COL24A1: variants seen among roughly 807,000 people sequenced by gnomAD.
COL24A1 encodes collagen alpha-1(XXIV) chain.
A neutral mutation model predicts 253.9 loss-of-function variants in COL24A1; 224 were observed. That is an observed-to-expected ratio of 0.88 (90% confidence interval 0.79 to 0.99). COL24A1 has a LOEUF of 0.99. COL24A1 is among the 50% of genes least tolerant of loss of function. COL24A1 has a pLI of 0.00. For synonymous variants in COL24A1, 685 were observed against 673.7 expected (o/e 1.02, Z -0.26); for missense variants, 2,131 against 2,068.5 (o/e 1.03, Z -0.59).
At chr1:85,926,388 C>T (rs187733533) in intron 24 of COL24A1, among the ~76,000 whole-genome samples, 10 of 151,676 alleles carry the variant, frequency 6.6e-5, no homozygotes, top group Non-Finnish European at 1.3e-4. Flanking sequence ...ATGTTTATTG[C>T]GGCACAATAG....
intron 55 of COL24A1, among the ~76,000 whole-genome samples, chr1:85,747,230 C>A (rs1033547919): frequency 2.0e-5 from 3 of 151,050 alleles, no homozygotes; most frequent in Non-Finnish European, 2.9e-5. Flanking sequence ...TCCTGCCTCT[C>A]AGCCTCCCAA....
rs373700210 is a variant in COL24A1 at position 85,987,563 on chromosome 1, C to T, written c.2364+38G>A. 52 of 1,558,712 alleles carry T rather than the reference C, an allele frequency of 3.3e-5. No individual in the cohort carries two copies. The East Asian group carries it at 3.6e-4, about 11-fold the overall frequency. ...ATTGAGAATCAGGAGCTCTAGATAA[C>T]CATAATTGTTTAGTCTCTCTCTTCT... On this transcript the variant is annotated intron_variant, in intron 20 of 59. Coordinates refer to ENST00000370571, the MANE Select transcript of COL24A1 (RefSeq NM_152890.7).
chr1:85,914,643 G>A (rs564333286), intron 24 of COL24A1, among the ~76,000 whole-genome samples: 31 of 152,096 alleles, frequency 2.0e-4, no homozygotes, highest in African/African-American at 7.5e-4. Context: ...TGCCCACCTT[G>A]GCCTCCCAAA....
chr1:85,903,485 A>T lies in COL24A1; in HGVS notation c.2778+3709T>A, dbSNP rs146865780. 1.6e-3 allele frequency among the ~76,000 whole-genome samples: 238 copies of T among 152,342 alleles called. 2 individuals are homozygous for T. In the Middle Eastern group the frequency reaches 0.034, roughly 22 times the overall value. ...TGTAAGAAAGTCAAATAGCATTATA[A>T]TAGGCACCTAAATTTGGCATAGTTA... On this transcript the variant is annotated intron_variant, in intron 28 of 59. Coordinates refer to ENST00000370571, the MANE Select transcript of COL24A1 (RefSeq NM_152890.7).
intron 53 of COL24A1, among the ~76,000 whole-genome samples, chr1:85,767,375 T>C (rs1399165221): frequency 6.6e-6 from 1 of 152,150 alleles, no homozygotes; most frequent in African/African-American, 2.4e-5. Flanking sequence ...AACAAACTGG[T>C]AGAATGTACT....
chr1:86,083,633 G>A (rs1308440105), intron 7 of COL24A1, among the ~76,000 whole-genome samples: 1 of 152,132 alleles, frequency 6.6e-6, no homozygotes, highest in Admixed American at 6.5e-5. Flanking sequence ...ACTGAGTGAT[G>A]AGTAACAGGT....
At chr1:86,092,388 G>A in intron 5 of COL24A1, 68 bp from the exon 6 acceptor site, 1 of 1,136,032 alleles carries the variant, frequency 8.8e-7, no homozygotes, top group Non-Finnish European at 1.3e-6. Flanking sequence ...ATATCTTCAG[G>A]TATTTATTAC....
chr1:85,838,338 T>C (rs1188918691), intron 43 of COL24A1, among the ~76,000 whole-genome samples: 1 of 152,128 alleles, frequency 6.6e-6, no homozygotes, highest in African/African-American at 2.4e-5. Flanking sequence ...CTATTTTAGA[T>C]AGGGCAGTTA....
Position 86,126,058 on chromosome 1 carries a change from G to T in COL24A1, c.278C>A (p.Pro93His). 1 of 1,613,580 alleles carries T rather than the reference G, an allele frequency of 6.2e-7. No individual in the cohort carries two copies. Among genetic ancestry groups the T allele is most frequent in the South Asian group, 1.1e-5 (1 of 91,064 alleles). ...GTTGACTGGTAAAATTTTCACGAAAGGTGTCTCGATATAAGCATCATTTTT... is the reference window on the plus strand; with the variant it reads ...GTTGACTGGTAAAATTTTCACGAAATGTGTCTCGATATAAGCATCATTTTT... Reference protein sequence around the residue: ...IFKNDAYIETPFVKILPVNLG... With the variant: ...IFKNDAYIETHFVKILPVNLG... Residue 93 changes from proline to histidine, a missense_variant, in exon 3 of 60, where the codon CCT becomes CAT. Transcript: ENST00000370571.
At chr1:85,863,403 A>G (rs1466355888) in intron 37 of COL24A1, among the ~76,000 whole-genome samples, 3 of 152,148 alleles carry the variant, frequency 2.0e-5, no homozygotes, top group African/African-American at 7.2e-5. Context: ...CCAGTTTTCA[A>G]AGGGAATGCT....
intron 43 of COL24A1, among the ~76,000 whole-genome samples, chr1:85,838,036 T>G (rs961214851): frequency 2.0e-5 from 3 of 152,048 alleles, no homozygotes; most frequent in Non-Finnish European, 2.9e-5. Flanking sequence ...CTCTCAGGAA[T>G]GGAAGAGGAT....
intron 7 of COL24A1, among the ~76,000 whole-genome samples, chr1:86,068,674 T>C (rs11802445): frequency 0.35 from 52,556 of 151,906 alleles, 9,604 homozygotes; most frequent in Middle Eastern, 0.5. Context: ...ATTCCTTCCC[T>C]AAGCCCAGGC....
chr1:86,117,866 A>T (rs1185986565), intron 3 of COL24A1, among the ~76,000 whole-genome samples: 1 of 152,246 alleles, frequency 6.6e-6, no homozygotes, highest in Non-Finnish European at 1.5e-5. Context: ...GATTCAAATC[A>T]TGCCTCAATC....
chr1:86,048,234 C>A (rs1410794366), intron 11 of COL24A1, among the ~76,000 whole-genome samples: 1 of 152,066 alleles, frequency 6.6e-6, no homozygotes, highest in Non-Finnish European at 1.5e-5. Context: ...TGTATACACA[C>A]AATATGCATG....
At chr1:85,897,952 C>T (rs556414496) in intron 28 of COL24A1, among the ~76,000 whole-genome samples, 28 of 152,116 alleles carry the variant, frequency 1.8e-4, no homozygotes, top group African/African-American at 6.5e-4. Context: ...AGGTCAAGTT[C>T]TCATAGACTT....
chr1:85,769,297 CA>C (rs1332387637), intron 53 of COL24A1, among the ~76,000 whole-genome samples: 2 of 152,046 alleles, frequency 1.3e-5, no homozygotes, highest in Non-Finnish European at 2.9e-5. Context: ...ATAATAACAA[CA>C]AAAAACAAAT....
chr1:85,889,711 C>A (rs1178546125), intron 31 of COL24A1, 98 bp from the exon 32 acceptor site: 15 of 967,524 alleles, frequency 1.6e-5, no homozygotes, highest in Admixed American at 4.4e-5. Context: ...TTCCACCCAA[C>A]TTTTCTGTCT....
chr1:85,907,162 G>GA (rs1684919519), intron 28 of COL24A1, 32 bp downstream of exon 28: 1 of 1,572,476 alleles, frequency 6.4e-7, no homozygotes, highest in African/African-American at 1.4e-5. Context: ...ATTTTGGGGG[G>GA]GTTAATGTAC....
At chr1:85,835,941 C>A (rs1675953740) in intron 43 of COL24A1, among the ~76,000 whole-genome samples, 2 of 152,190 alleles carry the variant, frequency 1.3e-5, no homozygotes, top group Non-Finnish European at 2.9e-5. Context: ...TTCTTACCTT[C>A]CTTTGATGCA....
Sources: gnomAD v4.1 joint callset for allele counts (sites outside exome capture counted in the v4.1 genomes callset) on GRCh38, gnomAD v4.1.1 for gene constraint, MANE v1.5 for transcripts, NCBI Gene and HGNC (gene_info 2026-07-23, HGNC 2026-07-21) for gene names.